Variants in SLC9D1 observed in about 807,000 individuals in gnomAD.
SLC9D1 encodes solute carrier family 9 member D1.
chr13:113,520,141 T>C, the SLC9D1 span, among the ~76,000 whole-genome samples: 1 of 152,218 alleles, frequency 6.6e-6, no homozygotes, highest in Non-Finnish European at 1.5e-5. Context: ...ACATTTTTAA[T>C]CTTAAAATGC....
chr13:113,539,329 A>C, the SLC9D1 span: 2 of 1,606,874 alleles, frequency 1.2e-6, no homozygotes, highest in Non-Finnish European at 1.7e-6. This position sits in a 1 kb window ranked among gnomAD's most constrained non-coding sequence, Gnocchi z 4.8. Context: ...GTGGGGTCTC[A>C]TGTAAAGCTG....
At chr13:113,508,877 C>T in the SLC9D1 span, among the ~76,000 whole-genome samples, 3 of 152,250 alleles carry the variant, frequency 2.0e-5, no homozygotes, top group Non-Finnish European at 4.4e-5. Context: ...GGGAAAGGCT[C>T]ACATGCTCCA....
At chr13:113,502,930 G>A in the SLC9D1 span, among the ~76,000 whole-genome samples, 16 of 152,352 alleles carry the variant, frequency 1.1e-4, no homozygotes, top group African/African-American at 3.8e-4. Flanking sequence ...TGGGCCTGGG[G>A]AGCGGCTGGC....
At chr13:113,500,023 T>C in the SLC9D1 span, 4 of 1,594,292 alleles carry the variant, frequency 2.5e-6, no homozygotes, top group Admixed American at 1.7e-5. Flanking sequence ...CTAAGCAAAA[T>C]ATAACAAAAC....
the SLC9D1 span, among the ~76,000 whole-genome samples, chr13:113,530,999 G>C: frequency 1.3e-5 from 2 of 152,166 alleles, no homozygotes; most frequent in African/African-American, 4.8e-5. Flanking sequence ...GGTACCTTGG[G>C]CATCATTGTT....
chr13:113,523,500 T>A, the SLC9D1 span, among the ~76,000 whole-genome samples: 1 of 152,208 alleles, frequency 6.6e-6, no homozygotes, highest in South Asian at 2.1e-4. Flanking sequence ...TGTAGTGATA[T>A]CTTCTGTTTC....
At chr13:113,534,306 AT>A in the SLC9D1 span, 1 of 1,336,316 alleles carries the variant, frequency 7.5e-7, no homozygotes, top group Non-Finnish European at 1.1e-6. Context: ...AAATCTTGTG[AT>A]CCATTCTTTA....
chr13:113,518,042 CTG>C, the SLC9D1 span, among the ~76,000 whole-genome samples: 2 of 152,184 alleles, frequency 1.3e-5, no homozygotes, highest in East Asian at 1.9e-4. Context: ...TATATTTAAA[CTG>C]TTTAATAAAA....
At chr13:113,544,600 G>A in the SLC9D1 span, among the ~76,000 whole-genome samples, 26 of 152,328 alleles carry the variant, frequency 1.7e-4, no homozygotes, top group Non-Finnish European at 1.9e-4. Context: ...CCTCCAGACC[G>A]GGCACTCAAA....
At chr13:113,507,347 G>T in the SLC9D1 span, among the ~76,000 whole-genome samples, 2 of 152,102 alleles carry the variant, frequency 1.3e-5, no homozygotes, top group Non-Finnish European at 2.9e-5. Flanking sequence ...TATTACTCAG[G>T]TATAAATATC....
the SLC9D1 span, chr13:113,510,152 T>G: frequency 7.9e-7 from 1 of 1,260,172 alleles, no homozygotes; most frequent in Non-Finnish European, 1.1e-6. Flanking sequence ...CCTCCTTTCC[T>G]GGATGCAGAA....
the SLC9D1 span, among the ~76,000 whole-genome samples, chr13:113,497,074 TGACCTGCAGCTGTGTGTCA>T: frequency 7.2e-5 from 11 of 152,202 alleles, no homozygotes; most frequent in Non-Finnish European, 1.6e-4. Flanking sequence ...GTTGCGTGCT[TGACCTGCAGCTGTGTGTCA>T]GACCTGCAGC....
the SLC9D1 span, among the ~76,000 whole-genome samples, chr13:113,498,866 T>C: frequency 0.18 from 28,130 of 152,080 alleles, 3,442 homozygotes; most frequent in African/African-American, 0.35. Context: ...AAACAGGTCC[T>C]AATCCAGACC....
chr13:113,507,529 T>C, the SLC9D1 span, among the ~76,000 whole-genome samples: 2 of 152,176 alleles, frequency 1.3e-5, no homozygotes, highest in Non-Finnish European at 2.9e-5. Flanking sequence ...TCTAAAGATA[T>C]GATTAGAAAC....
At chr13:113,534,507 G>A in the SLC9D1 span, 4 of 489,574 alleles carry the variant, frequency 8.2e-6, no homozygotes, top group Non-Finnish European at 1.4e-5. Context: ...CAAATCCGTG[G>A]GCCGGGTATA....
the SLC9D1 span, among the ~76,000 whole-genome samples, chr13:113,549,261 C>T: frequency 2.6e-5 from 4 of 151,338 alleles, no homozygotes; most frequent in Non-Finnish European, 5.9e-5. Flanking sequence ...CCCCCACCCC[C>T]CCGTGCAGGC....
At chr13:113,547,484 C>T in the SLC9D1 span, 1 of 893,134 alleles carries the variant, frequency 1.1e-6, no homozygotes. Flanking sequence ...GCAGAGCCGG[C>T]CCTGCTCCTC....
the SLC9D1 span, among the ~76,000 whole-genome samples, chr13:113,517,715 TCAGTGTTGCCTC>T: frequency 1.3e-5 from 2 of 152,204 alleles, no homozygotes; most frequent in Non-Finnish European, 2.9e-5. Context: ...AATAATAAAC[TCAGTGTTGCCTC>T]CAGATCTATA....
the SLC9D1 span, chr13:113,520,526 T>C: frequency 2.5e-6 from 2 of 790,206 alleles, no homozygotes; most frequent in Non-Finnish European, 3.9e-6. Flanking sequence ...ATAATTTGAG[T>C]TATTTTGGAA....
Sources: allele counts gnomAD v4.1 joint callset (sites outside exome capture counted in the v4.1 genomes callset), GRCh38; gene constraint gnomAD v4.1.1; non-coding constraint Gnocchi (gnomAD v3.1); transcripts MANE v1.5; gene names NCBI Gene and HGNC (gene_info 2026-07-23, HGNC 2026-07-21).